Variants in PRKN observed in about 807,000 individuals in gnomAD.
PRKN encodes parkin RBR E3 ubiquitin protein ligase, also known as E3 ubiquitin-protein ligase parkin.
Under a neutral mutation model 59.5 loss-of-function variants are expected in PRKN, and 56 were observed. The ratio of observed to expected loss-of-function variants is 0.94; its 90% CI spans 0.76 to 1.18. The LOEUF is 1.18. PRKN is among the 50% of genes most tolerant of loss of function. PRKN has a pLI of 0.00. For missense variants in PRKN, 657 were observed against 596.4 expected (o/e 1.10, Z -1.06); for synonymous variants, 250 against 222.1 (o/e 1.13, Z -1.12).
At chr6:162,138,518 C>A in intron 4 of PRKN, among the ~76,000 whole-genome samples, 1 of 151,554 alleles carries the variant, frequency 6.6e-6, no homozygotes, top group East Asian at 1.9e-4. Context: ...ATGAATCGTG[C>A]AAAGAAACAT....
intron 5 of PRKN, among the ~76,000 whole-genome samples, chr6:162,037,836 C>T (rs1783908541): frequency 6.6e-6 from 1 of 152,106 alleles, no homozygotes; most frequent in African/African-American, 2.4e-5. Context: ...TGAGCCACTA[C>T]ATCCGGCCTT....
At chr6:162,449,999 A>C (rs745706073) in intron 1 of PRKN, among the ~76,000 whole-genome samples, 1 of 152,236 alleles carries the variant, frequency 6.6e-6, no homozygotes, top group Non-Finnish European at 1.5e-5. Flanking sequence ...CATGTGGGCC[A>C]GCAGGCACTT....
At chr6:161,625,469 G>A (rs921100410) in intron 7 of PRKN, among the ~76,000 whole-genome samples, 8 of 152,198 alleles carry the variant, frequency 5.3e-5, no homozygotes, top group East Asian at 1.9e-4. Flanking sequence ...CGTAAACGAC[G>A]AGTTGATGGG....
chr6:161,481,249 C>T (rs962302131), intron 9 of PRKN, among the ~76,000 whole-genome samples: 2 of 152,162 alleles, frequency 1.3e-5, no homozygotes, highest in Non-Finnish European at 2.9e-5. Context: ...TCAACTCTCC[C>T]ACCCAACATA....
intron 9 of PRKN, among the ~76,000 whole-genome samples, chr6:161,495,538 C>T (rs1460137212): frequency 6.6e-6 from 1 of 152,188 alleles, no homozygotes; most frequent in African/African-American, 2.4e-5. Flanking sequence ...CTGGGTTACG[C>T]CCTTAAAGAA....
intron 9 of PRKN, among the ~76,000 whole-genome samples, chr6:161,465,057 CT>C (rs1790397680): frequency 6.6e-6 from 1 of 152,216 alleles, no homozygotes; most frequent in Admixed American, 6.5e-5. Context: ...TTAGAAAGCC[CT>C]TCAATCACTG....
intron 2 of PRKN, among the ~76,000 whole-genome samples, chr6:162,340,867 G>A (rs1158257590): frequency 6.6e-6 from 1 of 152,174 alleles, no homozygotes. Context: ...CGGCAAAGAC[G>A]TCATGACTAA....
intron 4 of PRKN, among the ~76,000 whole-genome samples, chr6:162,129,028 A>G (rs922264315): frequency 1.3e-5 from 2 of 152,198 alleles, no homozygotes; most frequent in African/African-American, 4.8e-5. Flanking sequence ...TTTAAAATGT[A>G]CACTCAACCA....
At chr6:162,446,373 G>C (rs1010364948) in intron 1 of PRKN, among the ~76,000 whole-genome samples, 3 of 152,160 alleles carry the variant, frequency 2.0e-5, no homozygotes, top group African/African-American at 7.2e-5. Context: ...AATTCCAGGA[G>C]ATCCTAAGTT....
intron 1 of PRKN, among the ~76,000 whole-genome samples, chr6:162,526,604 C>T (rs1472891726): frequency 6.8e-6 from 1 of 147,730 alleles, no homozygotes. Flanking sequence ...GAGCCGAGAT[C>T]GCGCTTTAAA....
intron 4 of PRKN, among the ~76,000 whole-genome samples, chr6:162,082,485 T>A (rs1023588622): frequency 3.3e-5 from 5 of 152,154 alleles, no homozygotes; most frequent in African/African-American, 1.2e-4. Context: ...TAAAATTTCC[T>A]TCATATCAGC....
Position 162,072,789 on chromosome 6 carries a change from G to A in PRKN, c.535-18615C>T, listed in dbSNP as rs139794388. ...TTTCTGAACATCAATTTTATGATAT[G>A]TAATGTGGAAATAACAATTGCACGT... On this transcript the variant is annotated intron_variant, in intron 4 of 11. Coordinates refer to ENST00000366898, the MANE Select transcript of PRKN (RefSeq NM_004562.3). Among the ~76,000 whole-genome samples, 8 of 152,300 alleles carry A rather than the reference G, an allele frequency of 5.3e-5. No homozygotes were observed. The East Asian group carries it at 1.5e-3, about 29-fold the overall frequency.
intron 4 of PRKN, among the ~76,000 whole-genome samples, chr6:162,091,291 C>T (rs745759149): frequency 3.5e-4 from 53 of 152,056 alleles, no homozygotes; most frequent in Non-Finnish European, 5.4e-4. Context: ...CCGATAACTG[C>T]CTACAAAAAG....
chr6:162,543,528 T>A (rs575232128), intron 1 of PRKN, among the ~76,000 whole-genome samples: 1 of 152,082 alleles, frequency 6.6e-6, no homozygotes, highest in African/African-American at 2.4e-5. Flanking sequence ...TTTGTATAAG[T>A]GTGTTCTAAG....
chr6:161,700,195 A>G (rs1281981366), intron 7 of PRKN, among the ~76,000 whole-genome samples: 1 of 151,950 alleles, frequency 6.6e-6, no homozygotes, highest in Non-Finnish European at 1.5e-5. Context: ...CTCCTTGGCT[A>G]TACTAATTCC....
At chr6:162,416,479 C>A (rs900748277) in intron 2 of PRKN, among the ~76,000 whole-genome samples, 1 of 152,144 alleles carries the variant, frequency 6.6e-6, no homozygotes, top group Non-Finnish European at 1.5e-5. Flanking sequence ...CCTTCCTTCT[C>A]CTTTTCATAT....
intron 7 of PRKN, among the ~76,000 whole-genome samples, chr6:161,757,833 A>ATCTCTCTCTCTCTCTCTCTCTCTCTC (rs748787015): frequency 2.7e-5 from 1 of 37,626 alleles, no homozygotes; most frequent in African/African-American, 8.3e-5. Flanking sequence ...GCAAAACTCC[A>ATCTCTCTCTCTCTCTCTCTCTCTCTC]TCTCTCTCTC....
intron 7 of PRKN, among the ~76,000 whole-genome samples, chr6:161,597,609 A>ACT (rs369845601): frequency 0.11 from 16,868 of 149,284 alleles, 1,229 homozygotes; most frequent in Non-Finnish European, 0.17. Flanking sequence ...TCCACCCCCG[A>ACT]CTCTCTCTCT....
chr6:162,295,269 C>T (rs1338737558), intron 2 of PRKN, among the ~76,000 whole-genome samples: 4 of 152,162 alleles, frequency 2.6e-5, no homozygotes, highest in African/African-American at 9.7e-5. Context: ...AGGCTGTGTC[C>T]ACTTAGGGCC....
Sources: allele counts gnomAD v4.1 joint callset (sites outside exome capture counted in the v4.1 genomes callset), GRCh38; gene constraint gnomAD v4.1.1; transcripts MANE v1.5; gene names NCBI Gene and HGNC (gene_info 2026-07-23, HGNC 2026-07-21).